The following SYN3 variants were observed in gnomAD, a reference collection of about 807,000 sequenced individuals.
The protein encoded by SYN3 is synapsin III.
In SYN3, 35 loss-of-function variants were observed where a neutral mutation model predicts 65.8. The ratio of observed to expected loss-of-function variants is 0.53; its 90% CI spans 0.41 to 0.70. The LOEUF (loss-of-function observed/expected upper bound fraction) is 0.70, where lower values mean the gene tolerates loss of function less well. SYN3 is among the 30% of genes least tolerant of loss of function. The pLI, the probability that SYN3 is intolerant of heterozygous loss-of-function variation, is 0.00. For missense variants in SYN3, 680 were observed against 749.0 expected, an observed-to-expected ratio of 0.91 and a Z score of 1.08; for synonymous variants, 270 against 292.9, an observed-to-expected ratio of 0.92 and a Z score of 0.80.
chr22:32,637,915 A>G (rs957701187), intron 6 of SYN3, among the ~76,000 whole-genome samples: 7 of 152,160 alleles, frequency 4.6e-5, no homozygotes, highest in African/African-American at 1.7e-4. Context: ...CTAGGATTAC[A>G]GGCATGAGCC....
At chr22:32,965,763 C>T (rs917536664) in intron 3 of SYN3, among the ~76,000 whole-genome samples, 1 of 152,078 alleles carries the variant, frequency 6.6e-6, no homozygotes, top group African/African-American at 2.4e-5. Flanking sequence ...GGCACGATCT[C>T]GGCTCACTGC....
intron 6 of SYN3, among the ~76,000 whole-genome samples, chr22:32,807,321 A>AT (rs1188077542): frequency 4.1e-5 from 4 of 98,090 alleles, no homozygotes; most frequent in Non-Finnish European, 7.5e-5. Flanking sequence ...TATAATATAT[A>AT]AATATATAAT....
At chr22:33,015,383 A>G in intron 1 of SYN3, 2 of 446,424 alleles carry the variant, frequency 4.5e-6, no homozygotes, top group South Asian at 2.0e-5. Context: ...TTGTAATGAA[A>G]GAGCTAGAAG....
chr22:32,843,835 C>G (rs1007714396), intron 6 of SYN3, among the ~76,000 whole-genome samples: 3 of 152,132 alleles, frequency 2.0e-5, no homozygotes, highest in Admixed American at 2.0e-4. Context: ...ACTAACCAGA[C>G]GTCCCTTACT....
intron 6 of SYN3, among the ~76,000 whole-genome samples, chr22:32,649,842 G>A (rs918934781): frequency 2.0e-5 from 3 of 152,260 alleles, no homozygotes; most frequent in Admixed American, 1.3e-4. Flanking sequence ...CCACAGAATC[G>A]GGTGGTTTAG....
intron 6 of SYN3, among the ~76,000 whole-genome samples, chr22:32,809,969 CCATGCCTGGGATA>C (rs2092644771): frequency 3.3e-5 from 5 of 152,208 alleles, no homozygotes; most frequent in Admixed American, 3.3e-4. Flanking sequence ...AGTGCTGCCA[CCATGCCTGGGATA>C]GACAGCAGGT....
At chr22:32,593,590 T>C (rs570755963) in intron 7 of SYN3, among the ~76,000 whole-genome samples, 1 of 151,708 alleles carries the variant, frequency 6.6e-6, no homozygotes, top group East Asian at 1.9e-4. Context: ...GAGATGGAGG[T>C]CACAGGAGGA....
intron 6 of SYN3, among the ~76,000 whole-genome samples, chr22:32,834,323 ATTT>A (rs5845042): frequency 7.0e-6 from 1 of 143,414 alleles, no homozygotes; most frequent in Non-Finnish European, 1.6e-5. Context: ...TGGCTAATTT[ATTT>A]TTTTTTTTGT....
chr22:32,637,627 TTTC>T (rs1333472487), intron 6 of SYN3, among the ~76,000 whole-genome samples: 7 of 128,256 alleles, frequency 5.5e-5, no homozygotes, highest in African/African-American at 1.1e-4. Context: ...TTTTTTTCTT[TTTC>T]TTTTTTTTTT....
chr22:33,014,125 A>G (rs984221459), intron 1 of SYN3, among the ~76,000 whole-genome samples: 1 of 151,358 alleles, frequency 6.6e-6, no homozygotes, highest in Non-Finnish European at 1.5e-5. Flanking sequence ...TATGTTGCCT[A>G]GGCTGGTCTC....
chr22:32,785,086 GA>G (rs1034520956), intron 6 of SYN3: 232 of 133,182 alleles, frequency 1.7e-3, no homozygotes, highest in Middle Eastern at 7.6e-3. Context: ...GGCAGAGGAA[GA>G]AAAAAAAAAA....
At chr22:32,966,688 G>A (rs575226087) in intron 3 of SYN3, among the ~76,000 whole-genome samples, 2 of 152,256 alleles carry the variant, frequency 1.3e-5, no homozygotes, top group East Asian at 3.9e-4. Flanking sequence ...GCCAAGCTGT[G>A]GGGACCACTT....
chr22:32,556,501 G>A (rs540126953), intron 7 of SYN3, among the ~76,000 whole-genome samples: 11 of 151,276 alleles, frequency 7.3e-5, no homozygotes, highest in Admixed American at 4.6e-4. Context: ...TCTGACAGAC[G>A]CTGAGAATTG....
At chr22:32,555,609 G>A (rs570791824) in intron 7 of SYN3, among the ~76,000 whole-genome samples, 1 of 152,172 alleles carries the variant, frequency 6.6e-6, no homozygotes, top group Non-Finnish European at 1.5e-5. Context: ...TGAAAAGTCA[G>A]GAGGATGCAT....
At chr22:32,632,806 T>C (rs1420679169) in intron 6 of SYN3, among the ~76,000 whole-genome samples, 1 of 152,218 alleles carries the variant, frequency 6.6e-6, no homozygotes, top group Non-Finnish European at 1.5e-5. Context: ...CTTCACTGTG[T>C]TTTCTTACTG....
At chr22:32,664,303 A>C (rs1370719643) in intron 6 of SYN3, among the ~76,000 whole-genome samples, 1 of 152,196 alleles carries the variant, frequency 6.6e-6, no homozygotes, top group Non-Finnish European at 1.5e-5. Context: ...TTGGCTGATG[A>C]TGTGCAATTG....
At chr22:32,572,356 T>TCTCTTC in intron 7 of SYN3, among the ~76,000 whole-genome samples, 1 of 66,338 alleles carries the variant, frequency 1.5e-5, no homozygotes, top group Non-Finnish European at 2.7e-5. Flanking sequence ...TTCCTTCCCT[T>TCTCTTC]ACTTCCCTTC....
intron 6 of SYN3, among the ~76,000 whole-genome samples, chr22:32,814,131 TGTGTGTG>T (rs2046993810): frequency 7.4e-6 from 1 of 134,582 alleles, no homozygotes; most frequent in African/African-American, 2.8e-5. Flanking sequence ...TGTGTGTGTG[TGTGTGTG>T]TGTGAGAGAG....
chr22:33,005,487 T>C (rs371729243), intron 2 of SYN3, among the ~76,000 whole-genome samples: 1 of 152,222 alleles, frequency 6.6e-6, no homozygotes, highest in African/African-American at 2.4e-5. Flanking sequence ...AGGAGCCTGT[T>C]CCCTACTATA....
Sources: allele counts gnomAD v4.1 joint callset (sites outside exome capture counted in the v4.1 genomes callset), GRCh38; gene constraint gnomAD v4.1.1; transcripts MANE v1.5; gene names NCBI Gene and HGNC (gene_info 2026-07-23, HGNC 2026-07-21).